The following KDM6A variants were observed in gnomAD, a reference collection of about 807,000 sequenced individuals.
KDM6A encodes the protein lysine-specific demethylase 6A.
In KDM6A, 11 loss-of-function variants were observed where a neutral mutation model predicts 117.6. That is an observed-to-expected ratio of 0.09 (90% CI 0.06 to 0.15). KDM6A has a LOEUF of 0.15. KDM6A is among the 10% of genes least tolerant of loss of function. KDM6A has a pLI of 1.00. For missense variants in KDM6A, 799 were observed against 1,077.3 expected, an observed-to-expected ratio of 0.74 and a Z score of 3.62; for synonymous variants, 384 against 396.1, an observed-to-expected ratio of 0.97 and a Z score of 0.36.
chrX:44,907,181 G>A (rs141657961), intron 2 of KDM6A, among the ~76,000 whole-genome samples: 5,461 of 112,121 alleles, frequency 0.049, 336 homozygotes, highest in African/African-American at 0.17. Context: ...TGAGGCATTA[G>A]TTGGCTTTTT....
At chrX:44,991,331 C>CTCTCTCTT (rs934666389) in intron 4 of KDM6A, among the ~76,000 whole-genome samples, 4 of 109,608 alleles carry the variant, frequency 3.6e-5, no homozygotes, top group South Asian at 7.8e-4. Context: ...TTCTCTCTCT[C>CTCTCTCTT]TCTCTCTTTC....
At chrX:44,906,520 C>T (rs772424472) in intron 2 of KDM6A, among the ~76,000 whole-genome samples, 1 of 110,196 alleles carries the variant, frequency 9.1e-6, no homozygotes, top group Non-Finnish European at 1.9e-5. Context: ...ATGAAGCTTT[C>T]CCTTAATCGT....
At chrX:44,892,822 G>A (rs993580273) in intron 2 of KDM6A, among the ~76,000 whole-genome samples, 3 of 109,472 alleles carry the variant, frequency 2.7e-5, no homozygotes, top group Admixed American at 9.8e-5. Flanking sequence ...GGACAATATG[G>A]TGAAACCCCG....
intron 27 of KDM6A, among the ~76,000 whole-genome samples, chrX:45,106,360 T>C (rs2148281807): frequency 9.0e-6 from 1 of 111,723 alleles, no homozygotes; most frequent in East Asian, 2.8e-4. Context: ...CAAAGAAATA[T>C]AAAATAAGGT....
At position 45,007,736 on chromosome X, in the gene KDM6A, A is replaced by C. The variant is rs751627548; in HGVS notation, c.385-3225A>C. Among the ~76,000 whole-genome samples the C allele has an allele frequency of 1.7e-3, 186 of 111,539 alleles. 1 individual carries two copies. The highest frequency in any genetic ancestry group is 4.1e-3 in the Admixed American group (43 of 10,539). On this transcript the variant is annotated intron_variant, in intron 4 of 29. Transcript: ENST00000611820. ...TTATTTGATCGGATGGAGTTTAGTCAACACACAAGTAACAAATATATGGTG... is the reference window on the plus strand; with the variant it reads ...TTATTTGATCGGATGGAGTTTAGTCCACACACAAGTAACAAATATATGGTG...
Position 44,888,284 on chromosome X carries a change from G to A in KDM6A, c.225+14297G>A, listed in dbSNP as rs945209083. On this transcript the variant is annotated intron_variant, in intron 2 of 29. Transcript: ENST00000611820. Reference sequence around the variant, plus strand: ...CCTGCCACTGCACTCCAGCCTAGGCGACAGAGCGAGACTCCCTCTCAAAAA... The same window carrying A: ...CCTGCCACTGCACTCCAGCCTAGGCAACAGAGCGAGACTCCCTCTCAAAAA... Among the ~76,000 whole-genome samples the A allele has an allele frequency of 2.7e-5, 3 of 112,281 alleles. No homozygotes were observed. The East Asian group carries it at 8.4e-4, about 31-fold the overall frequency.
At chrX:44,913,032 A>G (rs886598126) in intron 2 of KDM6A, among the ~76,000 whole-genome samples, 6 of 111,586 alleles carry the variant, frequency 5.4e-5, no homozygotes, top group Non-Finnish European at 7.5e-5. Context: ...TTTGGATAAC[A>G]AGGGTTTGAA....
intron 27 of KDM6A, among the ~76,000 whole-genome samples, chrX:45,095,910 A>G (rs2046085089): frequency 8.9e-6 from 1 of 111,752 alleles, no homozygotes; most frequent in African/African-American, 3.3e-5. Context: ...CTTGTCAGCC[A>G]TTTCTCCCAC....
rs1260179240 is a variant in KDM6A, at chrX:44,963,493, G to GTC, written c.334+2103_334+2104dup. Among the ~76,000 whole-genome samples, 15 of 39,220 alleles carry GTC rather than the reference G, an allele frequency of 3.8e-4. No individual in the cohort carries two copies. In the East Asian group the frequency reaches 5.3e-3, roughly 14 times the overall value. The allele number at this position is 39,220 out of a possible 115,157, so 34.1% of individuals were successfully genotyped here. Reference sequence around the variant, plus strand: ...TGTGTGTGTGTGTGTGTGTCTGTCTGTCTGTCTCTGTCTGTCTGTCTGTCT... The same window carrying GTC: ...TGTGTGTGTGTGTGTGTGTCTGTCTGTCTCTGTCTCTGTCTGTCTGTCTGTCT... On this transcript the variant is annotated intron_variant, in intron 3 of 29. Coordinates refer to ENST00000611820, the MANE Select transcript of KDM6A (RefSeq NM_001291415.2).
At chrX:44,911,712 G>T (rs1021153039) in intron 2 of KDM6A, among the ~76,000 whole-genome samples, 5 of 111,622 alleles carry the variant, frequency 4.5e-5, no homozygotes, top group African/African-American at 1.6e-4. Context: ...CCGAGATCAC[G>T]CCACTGCACT....
intron 2 of KDM6A, 125 bp downstream of exon 2, chrX:44,874,112 CTAT>C: frequency 1.6e-6 from 1 of 615,555 alleles, no homozygotes; most frequent in Non-Finnish European, 2.7e-6. Flanking sequence ...CTTCCGGAAA[CTAT>C]TTCCTGCCTC....
Position 44,873,288 on chromosome X carries a change from T to G in KDM6A, c.-264T>G. The G allele has an allele frequency of 2.0e-5, 4 of 204,650 alleles. No individual in the cohort carries two copies. The highest frequency in any genetic ancestry group is 3.6e-5 in the Non-Finnish European group (4 of 112,638). 16.9% of individuals were successfully genotyped at this position (204,650 alleles called of 1,213,427 possible). A position where few individuals can be genotyped will look rare whatever the true frequency, so the allele number is the denominator to read the frequency against. ...TCCGGCCGTTCCCGCCGTCCCCGCC[T>G]GTGGCTGCCCCCTGCCCAACCCCGC... is the stretch of plus-strand genomic sequence containing the variant. On this transcript the variant is annotated 5_prime_UTR_variant, in exon 1 of 30. Transcript: ENST00000611820.
chrX:44,966,123 CAT>C (rs1176798778), intron 3 of KDM6A, among the ~76,000 whole-genome samples: 3 of 106,411 alleles, frequency 2.8e-5, no homozygotes, highest in African/African-American at 1.0e-4. Context: ...TTATTTTTCA[CAT>C]ATATATATAT....
chrX:44,970,320 G>T (rs755776006), intron 3 of KDM6A, among the ~76,000 whole-genome samples: 1 of 111,860 alleles, frequency 8.9e-6, no homozygotes, highest in African/African-American at 3.2e-5. Context: ...TTATTTCTCA[G>T]TTCACCATAT....
At chrX:44,919,015 G>A (rs1276856360) in intron 2 of KDM6A, among the ~76,000 whole-genome samples, 1 of 111,522 alleles carries the variant, frequency 9.0e-6, no homozygotes, top group Non-Finnish European at 1.9e-5. Flanking sequence ...AAAAGGGAGG[G>A]AGGATTGAAG....
intron 2 of KDM6A, among the ~76,000 whole-genome samples, chrX:44,882,718 C>T (rs1048972603): frequency 2.7e-5 from 3 of 111,566 alleles, no homozygotes; most frequent in Non-Finnish European, 5.6e-5. Context: ...TTCTGAATTT[C>T]AAATATCAGA....
intron 4 of KDM6A, among the ~76,000 whole-genome samples, chrX:44,979,758 C>G (rs1055200759): frequency 9.1e-6 from 1 of 109,780 alleles, no homozygotes; most frequent in African/African-American, 3.3e-5. Context: ...CCCCCCACCC[C>G]CTACCCCAAT....
intron 19 of KDM6A, 49 bp from the exon 20 acceptor site, chrX:45,078,351 A>T (rs745544755): frequency 1.8e-6 from 2 of 1,110,417 alleles, no homozygotes; most frequent in East Asian, 3.0e-5. Flanking sequence ...TAATATTTAA[A>T]TAAAAGCTCT....
chrX:44,905,800 A>G (rs924803020), intron 2 of KDM6A, among the ~76,000 whole-genome samples: 2 of 112,358 alleles, frequency 1.8e-5, no homozygotes, highest in Non-Finnish European at 3.8e-5. Context: ...TACATATATG[A>G]TTGTGAAATA....
Sources: allele counts gnomAD v4.1 joint callset (sites outside exome capture counted in the v4.1 genomes callset), GRCh38; gene constraint gnomAD v4.1.1; transcripts MANE v1.5; gene names NCBI Gene and HGNC (gene_info 2026-07-23, HGNC 2026-07-21).